Variants in ELOVL2 observed in about 807,000 individuals in gnomAD.
The protein encoded by ELOVL2 is very long chain fatty acid elongase 2.
In ELOVL2, 38 loss-of-function variants were observed where a neutral mutation model predicts 37.7. The ratio of observed to expected loss-of-function variants is 1.01; its 90% confidence interval spans 0.78 to 1.32. The LOEUF is 1.32. ELOVL2 is among the 40% of genes most tolerant of loss of function. The pLI, the probability that ELOVL2 is intolerant of heterozygous loss-of-function variation, is 0.00. For missense variants in ELOVL2, 352 were observed against 363.6 expected (o/e 0.97, Z 0.26); for synonymous variants, 115 against 122.3 (o/e 0.94, Z 0.40).
intron 4 of ELOVL2, among the ~76,000 whole-genome samples, chr6:10,995,848 G>A (rs1782258989): frequency 6.6e-6 from 1 of 152,140 alleles, no homozygotes; most frequent in African/African-American, 2.4e-5. Context: ...GAACTCAACA[G>A]GAGGTCATTA....
At chr6:10,986,303 G>A (rs1473996502) in intron 7 of ELOVL2, among the ~76,000 whole-genome samples, 2 of 152,132 alleles carry the variant, frequency 1.3e-5, no homozygotes, top group Admixed American at 6.6e-5. Context: ...AACAGGGACA[G>A]TTTGACTTCC....
chr6:11,044,156 C>T lies in ELOVL2; in HGVS notation c.3+72G>A. 7.0e-7 allele frequency: 1 copy of T among 1,426,188 alleles called. No homozygotes were observed. The highest frequency in any genetic ancestry group is 9.2e-7 in the Non-Finnish European group (1 of 1,085,884). The allele number at this position is 1,426,188 out of a possible 1,614,324, so 88.3% of individuals were successfully genotyped here. ...CGCGCCGGCGCCCGCTCGGCCCTTT[C>T]CCGCCCGGTGCGTGGGTCCAGGAGA... On this transcript the variant is annotated intron_variant, in intron 1 of 7. Transcript: ENST00000354666. This position sits in a 1 kb window ranked among gnomAD's most constrained non-coding sequence, Gnocchi z 5.6.
intron 2 of ELOVL2, among the ~76,000 whole-genome samples, chr6:11,007,141 T>C (rs529645780): frequency 1.3e-5 from 2 of 152,282 alleles, no homozygotes; most frequent in South Asian, 2.1e-4. Context: ...TTAAGAAAAA[T>C]TGAGCTGTAG....
intron 1 of ELOVL2, among the ~76,000 whole-genome samples, chr6:11,018,698 T>A (rs145299749): frequency 0.015 from 2,231 of 152,300 alleles, 37 homozygotes; most frequent in Non-Finnish European, 0.019. Context: ...AATGAGACCA[T>A]GCACAGGCTA....
At chr6:11,009,306 A>C (rs1243876388) in intron 2 of ELOVL2, among the ~76,000 whole-genome samples, 2 of 152,220 alleles carry the variant, frequency 1.3e-5, no homozygotes, top group African/African-American at 4.8e-5. Flanking sequence ...CTGTACATAT[A>C]CACCTATGGA....
At chr6:11,027,834 G>A (rs1186825673) in intron 1 of ELOVL2, among the ~76,000 whole-genome samples, 1 of 152,110 alleles carries the variant, frequency 6.6e-6, no homozygotes, top group Non-Finnish European at 1.5e-5. Flanking sequence ...CTAGGTATTA[G>A]GCATTAGACA....
intron 1 of ELOVL2, among the ~76,000 whole-genome samples, chr6:11,037,875 G>A (rs556367735): frequency 1.4e-4 from 22 of 152,248 alleles, no homozygotes; most frequent in African/African-American, 5.3e-4. Context: ...ATGTTTAAGT[G>A]TATATATGCA....
intron 5 of ELOVL2, among the ~76,000 whole-genome samples, chr6:10,994,483 A>AAAAAAGAAAAG (rs1554111121): frequency 6.8e-6 from 1 of 146,026 alleles, no homozygotes; most frequent in African/African-American, 2.5e-5. Context: ...AAAAAAAAAA[A>AAAAAAGAAAAG]GAACAAATAT....
At chr6:11,025,675 A>T (rs567402812) in intron 1 of ELOVL2, among the ~76,000 whole-genome samples, 1 of 152,304 alleles carries the variant, frequency 6.6e-6, no homozygotes, top group Non-Finnish European at 1.5e-5. Flanking sequence ...GAGATTACCA[A>T]ATTTTCTTTA....
rs201281833 is a variant in ELOVL2, at chr6:10,993,010, CAGAG to C, written c.505+1993_505+1996del. ...GAGTTCAAGACCAGTCTGGGCAACA[CAGAG>C]AGACCTTGTGTCTACACTTTTTTAA... On this transcript the variant is annotated intron_variant, in intron 5 of 7. Coordinates refer to ENST00000354666, the MANE Select transcript of ELOVL2 (RefSeq NM_017770.4). 3.4e-4 allele frequency among the ~76,000 whole-genome samples: 52 copies of C among 152,172 alleles called. 1 individual carries two copies. In the East Asian group the frequency reaches 8.7e-3, roughly 25 times the overall value.
At chr6:11,013,247 G>GT (rs1782614605) in intron 1 of ELOVL2, among the ~76,000 whole-genome samples, 1 of 152,198 alleles carries the variant, frequency 6.6e-6, no homozygotes, top group Non-Finnish European at 1.5e-5. Context: ...AATATAGTTA[G>GT]TAAGGAAGTA....
In ELOVL2 at chr6:10,989,805, C is replaced by T; in HGVS notation, c.663G>A (p.Met221Ile). ...AGCCACACGGTTTCACGACGGCGCTCATGGTGTGCGTGATGGTGAGCACGA... is the reference window on the plus strand; with the variant it reads ...AGCCACACGGTTTCACGACGGCGCTTATGGTGTGCGTGATGGTGAGCACGA... Reference protein sequence around the residue: ...VQFVLTITHTMSAVVKPCGFP... With the variant: ...VQFVLTITHTISAVVKPCGFP... The change falls in exon 7 of 8, where the codon ATG (methionine) becomes ATA (isoleucine). Residue 221 changes from methionine to isoleucine, a missense_variant. Met to Ile is a conservative substitution (Grantham distance 10, BLOSUM62 1). Transcript: ENST00000354666. 6.2e-7 allele frequency: 1 copy of T among 1,614,170 alleles called. No homozygotes were observed. Among genetic ancestry groups the T allele is most frequent in the Non-Finnish European group, 8.5e-7 (1 of 1,180,024 alleles).
At chr6:11,028,236 C>T (rs962267759) in intron 1 of ELOVL2, among the ~76,000 whole-genome samples, 6 of 152,170 alleles carry the variant, frequency 3.9e-5, no homozygotes, top group African/African-American at 1.4e-4. Flanking sequence ...AGCTTTAGAT[C>T]TGGATATAGC....
intron 2 of ELOVL2, among the ~76,000 whole-genome samples, chr6:11,009,488 G>C (rs912218778): frequency 6.6e-6 from 1 of 152,140 alleles, no homozygotes; most frequent in Non-Finnish European, 1.5e-5. Flanking sequence ...TGCTGCTAAG[G>C]GGGGACTACT....
intron 7 of ELOVL2, 108 bp downstream of exon 7, chr6:10,989,595 T>C (rs1453458617): frequency 2.7e-5 from 29 of 1,088,128 alleles, no homozygotes; most frequent in Non-Finnish European, 3.9e-5. Flanking sequence ...GCTGAGATCA[T>C]GCCACTGCAC....
intron 1 of ELOVL2, among the ~76,000 whole-genome samples, chr6:11,041,644 CT>C (rs1327177903): frequency 6.6e-6 from 1 of 152,024 alleles, no homozygotes; most frequent in Non-Finnish European, 1.5e-5. Flanking sequence ...TCCTTTTTAC[CT>C]TTAATTTCTA....
At chr6:11,017,883 T>G (rs1319161217) in intron 1 of ELOVL2, among the ~76,000 whole-genome samples, 1 of 152,238 alleles carries the variant, frequency 6.6e-6, no homozygotes, top group African/African-American at 2.4e-5. Flanking sequence ...TAATGGGCAC[T>G]TAATATTTAT....
At chr6:10,999,610 G>A (rs902667910) in intron 4 of ELOVL2, among the ~76,000 whole-genome samples, 2 of 152,032 alleles carry the variant, frequency 1.3e-5, no homozygotes, top group Admixed American at 6.6e-5. Context: ...TCCTGACCTC[G>A]TGATCCACCC....
intron 1 of ELOVL2, among the ~76,000 whole-genome samples, chr6:11,019,900 C>T (rs1292395832): frequency 1.3e-5 from 2 of 151,720 alleles, no homozygotes; most frequent in African/African-American, 2.4e-5. Context: ...TGCACCACCA[C>T]GCCCGGCCAA....
Sources: allele counts gnomAD v4.1 joint callset (sites outside exome capture counted in the v4.1 genomes callset), GRCh38; gene constraint gnomAD v4.1.1; non-coding constraint Gnocchi (gnomAD v3.1); transcripts MANE v1.5; gene names NCBI Gene and HGNC (gene_info 2026-07-23, HGNC 2026-07-21).